Variants in RALGDS observed in about 807,000 individuals in gnomAD.
RALGDS encodes ral guanine nucleotide exchange factor.
RALGDS carries 44 observed loss-of-function variants against 99.8 expected under a neutral mutation model. That is an observed-to-expected ratio of 0.44 (90% CI 0.35 to 0.57). RALGDS has a LOEUF of 0.57. Among genes scored for constraint, RALGDS ranks in the 20% least tolerant of loss-of-function variants. RALGDS has a pLI of 0.01. For missense variants in RALGDS, 1,022 were observed against 1,203.1 expected, an observed-to-expected ratio of 0.85 and a Z score of 2.23; for synonymous variants, 529 against 505.0, an observed-to-expected ratio of 1.05 and a Z score of -0.64.
upstream of RALGDS, among the ~76,000 whole-genome samples, chr9:133,123,279 C>CTTCTTTATCTTTA (rs2075784725): frequency 6.6e-6 from 1 of 152,176 alleles, no homozygotes. Flanking sequence ...ACTTTATCTC[C>CTTCTTTATCTTTA]TCTGCTCTCT....
upstream of RALGDS, among the ~76,000 whole-genome samples, chr9:133,134,760 G>A (rs910210195): frequency 2.0e-5 from 3 of 152,194 alleles, no homozygotes; most frequent in Non-Finnish European, 2.9e-5. Flanking sequence ...GCCTAAACCA[G>A]AGTCAACAAC....
upstream of RALGDS, chr9:133,131,274 G>A (rs1832325939): frequency 1.5e-5 from 2 of 130,238 alleles, no homozygotes; most frequent in Non-Finnish European, 3.0e-5. Context: ...ATGTGGGTGG[G>A]CATGTGGGGG....
At chr9:133,113,641 C>T (rs1831457132) in intron 1 of RALGDS, among the ~76,000 whole-genome samples, 1 of 152,204 alleles carries the variant, frequency 6.6e-6, no homozygotes, top group Admixed American at 6.5e-5. Context: ...TTTCCTGACT[C>T]ACACATCTCT....
At chr9:133,120,724 GGT>G (rs1459733906) in intron 1 of RALGDS, among the ~76,000 whole-genome samples, 1 of 152,194 alleles carries the variant, frequency 6.6e-6, no homozygotes, top group Non-Finnish European at 1.5e-5. Context: ...GCCCTGGAAC[GGT>G]ATTGAGGGGC....
upstream of RALGDS, among the ~76,000 whole-genome samples, chr9:133,124,412 G>A (rs1386628747): frequency 6.6e-6 from 1 of 152,162 alleles, no homozygotes; most frequent in Non-Finnish European, 1.5e-5. Context: ...GCTGGGTGTG[G>A]TGGCTCATGC....
In RALGDS at chr9:133,110,235, C is replaced by T. The variant is rs759810147; in HGVS notation, c.488+61G>A. On this transcript the variant is annotated intron_variant, in intron 3 of 17. Coordinates refer to ENST00000372050, the MANE Select transcript of RALGDS (RefSeq NM_006266.4). ...GAATCAGCATTGCCAAGACCCGCAG[C>T]CAGGTGGGGGTGGGGGCGAGGGCCC... 3.0e-5 allele frequency: 45 copies of T among 1,520,818 alleles called. No individual in the cohort carries two copies. The Admixed American group carries it at 5.5e-4, about 19-fold the overall frequency. The allele number at this position is 1,520,818 out of a possible 1,614,324, so 94.2% of individuals were successfully genotyped here. A position where few individuals can be genotyped will look rare whatever the true frequency, so the allele number is the denominator to read the frequency against.
intron 1 of RALGDS, among the ~76,000 whole-genome samples, chr9:133,114,396 A>G (rs1028251248): frequency 1.3e-5 from 2 of 152,162 alleles, no homozygotes; most frequent in African/African-American, 4.8e-5. Context: ...GGCTCCAGAG[A>G]GAGCTGCCCT....
intron 1 of RALGDS, among the ~76,000 whole-genome samples, chr9:133,117,986 A>G (rs1164006756): frequency 6.6e-6 from 1 of 152,206 alleles, no homozygotes; most frequent in Non-Finnish European, 1.5e-5. Flanking sequence ...GAGCAGCTTG[A>G]TATCTCCCAG....
At chr9:133,107,775 C>T (rs758294390) in intron 6 of RALGDS, among the ~76,000 whole-genome samples, 3 of 152,240 alleles carry the variant, frequency 2.0e-5, no homozygotes, top group Non-Finnish European at 4.4e-5. Context: ...AGAATCTGCA[C>T]AGTCACTCTG....
upstream of RALGDS, among the ~76,000 whole-genome samples, chr9:133,132,159 A>C (rs1832345312): frequency 6.6e-6 from 1 of 152,228 alleles, no homozygotes; most frequent in African/African-American, 2.4e-5. Flanking sequence ...TAGCTTGGAA[A>C]TGTTTGCTGA....
chr9:133,115,832 A>G lies in RALGDS; in HGVS notation c.184-3680T>C, dbSNP rs74734156. 6.4e-3 allele frequency among the ~76,000 whole-genome samples: 969 copies of G among 152,348 alleles called. 12 individuals are homozygous for G. Among genetic ancestry groups the G allele is most frequent in the African/African-American group, 0.022 (920 of 41,572 alleles). Reference sequence around the variant, plus strand: ...CGAGGGACACTGTAAAGAGAGGCTGAGTCACCCTGAAACCCAGTGGGTGGG... The same window carrying G: ...CGAGGGACACTGTAAAGAGAGGCTGGGTCACCCTGAAACCCAGTGGGTGGG... On this transcript the variant is annotated intron_variant, in intron 1 of 17. Coordinates refer to ENST00000372050, the MANE Select transcript of RALGDS (RefSeq NM_006266.4).
At chr9:133,103,677 GCC>G in intron 11 of RALGDS, 68 bp downstream of exon 11, 5 of 1,489,396 alleles carry the variant, frequency 3.4e-6, no homozygotes, top group Non-Finnish European at 4.7e-6. Flanking sequence ...AGGTGTGGCA[GCC>G]CAGCCCCCAG....
intron 1 of RALGDS, among the ~76,000 whole-genome samples, chr9:133,139,333 G>A (rs1476396788): frequency 3.9e-5 from 6 of 152,202 alleles, no homozygotes; most frequent in Admixed American, 3.9e-4. Flanking sequence ...GGGACTCCCC[G>A]ACCCCAGAAG....
chr9:133,132,964 T>TG (rs1005738393), upstream of RALGDS, among the ~76,000 whole-genome samples: 11 of 151,604 alleles, frequency 7.3e-5, no homozygotes, highest in African/African-American at 2.4e-4. Flanking sequence ...ATAGTGGGGG[T>TG]GGGGGACCAG....
intron 16 of RALGDS, 138 bp from the exon 17 acceptor site, chr9:133,100,520 G>A (rs571678951): frequency 2.7e-5 from 42 of 1,551,332 alleles, no homozygotes; most frequent in African/African-American, 2.6e-4. Flanking sequence ...TGCTGGGTCC[G>A]GAGAGGGCCT....
intron 1 of RALGDS, among the ~76,000 whole-genome samples, chr9:133,130,528 A>C (rs961213309): frequency 3.3e-5 from 5 of 152,312 alleles, no homozygotes; most frequent in African/African-American, 1.2e-4. Context: ...TTCAGAAAAA[A>C]CACCACCAAA....
chr9:133,106,638 T>G lies in RALGDS; in HGVS notation c.1517+7A>C. On this transcript the variant is annotated splice_region_variant and intron_variant, in intron 8 of 17. Coordinates refer to ENST00000372050, the MANE Select transcript of RALGDS (RefSeq NM_006266.4). ...TGCACCAGGAGCTCCTACAGAGGCA[T>G]GCCCACCTGGAAACGTCTTCCCACG... The G allele has an allele frequency of 6.3e-7, 1 of 1,597,410 alleles. No individual in the cohort carries two copies. The highest frequency in any genetic ancestry group is 8.6e-7 in the Non-Finnish European group (1 of 1,169,052).
In RALGDS at chr9:133,102,500, G is replaced by A. The variant is rs143632195; in HGVS notation, c.1985C>T (p.Thr662Ile). ...ASNTLRTKKN[T>I]AIVKRWSDRQ... Reference sequence around the variant, plus strand: ...CTCGCTCCAGCGCTTGACAATGGCTGTGTTCTTCTTGGTCCTGAGGGTGTT... The same window carrying A: ...CTCGCTCCAGCGCTTGACAATGGCTATGTTCTTCTTGGTCCTGAGGGTGTT... The change falls in exon 14 of 18, where the codon ACA becomes ATA. Residue 662 changes from threonine (T) to isoleucine (I), a missense_variant. Thr to Ile is a moderately conservative substitution (Grantham distance 89, BLOSUM62 -1). This residue lies in a region of RALGDS where 825 missense variants were observed against 994.5 expected (regional missense o/e 0.83). Coordinates refer to ENST00000372050, the MANE Select transcript of RALGDS (RefSeq NM_006266.4). 1.2e-4 allele frequency: 190 copies of A among 1,614,136 alleles called. No homozygotes were observed. Among genetic ancestry groups the A allele is most frequent in the South Asian group, 1.6e-4 (15 of 91,090 alleles).
rs1564234894 is a variant in RALGDS at position 133,108,168 on chromosome 9, T to G, written c.1017A>C (p.Pro339=). 1 of 1,613,428 alleles carries G rather than the reference T, an allele frequency of 6.2e-7. No individual in the cohort carries two copies. The highest frequency in any genetic ancestry group is 1.1e-5 in the South Asian group (1 of 91,026). The change falls in exon 6 of 18, where the codon CCA becomes CCC. Residue 339 remains proline (P), a synonymous_variant. Coordinates refer to ENST00000372050, the MANE Select transcript of RALGDS (RefSeq NM_006266.4). ...TTTGTGAGGGAGCTGGATCCTGTTC[T>G]GGAGCTGGCTCTAGTTCCAGAGCTG... ...PAPALELEPA[P]EQDPAPSQTL...
Sources: gnomAD v4.1 joint callset for allele counts (sites outside exome capture counted in the v4.1 genomes callset) on GRCh38, gnomAD v4.1.1 for gene constraint, gnomAD v4.1.1 regional missense constraint, MANE v1.5 for transcripts, NCBI Gene and HGNC (gene_info 2026-07-23, HGNC 2026-07-21) for gene names.